Variants in CEP55 observed in about 807,000 individuals in gnomAD.
The protein encoded by CEP55 is centrosomal protein of 55 kDa.
Under a neutral mutation model 63.2 loss-of-function variants are expected in CEP55, and 57 were observed. The observed-to-expected ratio is 0.90, with a 90% confidence interval of 0.73 to 1.13. CEP55 has a LOEUF of 1.13. Ranked by LOEUF, CEP55 falls within the 50% of genes most tolerant of loss-of-function variation. The probability of loss-of-function intolerance (pLI) is 0.00; values close to 1 mark genes in which losing one functional copy is unlikely to be tolerated. For synonymous variants in CEP55, 178 were observed against 191.6 expected (o/e 0.93, Z 0.59); for missense variants, 456 against 518.9 (o/e 0.88, Z 1.18).
chr10:93,512,593 G>A (rs1488985897), intron 4 of CEP55, among the ~76,000 whole-genome samples: 2 of 151,272 alleles, frequency 1.3e-5, no homozygotes, highest in African/African-American at 4.9e-5. Flanking sequence ...CTACTTAAAT[G>A]TGGACAAATG....
Position 93,507,024 on chromosome 10 carries a change from A to G in CEP55, c.496A>G (p.Asn166Asp). 6.3e-7 allele frequency: 1 copy of G among 1,588,110 alleles called. No homozygotes were observed. Among genetic ancestry groups the G allele is most frequent in the Non-Finnish European group, 8.6e-7 (1 of 1,157,036 alleles). ...AAACTGCTTCAACTCATCAATAAAT[A>G]ATATTCATGAAATGGAAATACAGCT... ...APNCFNSSIN[N>D]IHEMEIQLKD... The change falls in exon 4 of 9, where the codon AAT becomes GAT. Residue 166 changes from asparagine to aspartate, a missense_variant. Transcript: ENST00000371485.
chr10:93,519,489 G>C (rs969506550), intron 7 of CEP55, among the ~76,000 whole-genome samples, 193 bp from the exon 8 acceptor site: 1 of 152,126 alleles, frequency 6.6e-6, no homozygotes, highest in Non-Finnish European at 1.5e-5. Flanking sequence ...CGTTGGCTTT[G>C]CTCCTTGGAT....
chr10:93,527,186 A>G (rs1271649308), intron 8 of CEP55, among the ~76,000 whole-genome samples: 2 of 151,928 alleles, frequency 1.3e-5, no homozygotes, highest in Non-Finnish European at 2.9e-5. Context: ...AAGTTCTTAG[A>G]AAAAAAACAC....
At chr10:93,521,387 G>A (rs989934518) in intron 8 of CEP55, among the ~76,000 whole-genome samples, 5 of 152,172 alleles carry the variant, frequency 3.3e-5, no homozygotes, top group African/African-American at 1.2e-4. Context: ...AGGTAGCAGT[G>A]AGGCTGGGGG....
chr10:93,499,654 T>G (rs1428118534), intron 1 of CEP55, among the ~76,000 whole-genome samples: 1 of 151,806 alleles, frequency 6.6e-6, no homozygotes. Flanking sequence ...CCCCAGCATC[T>G]GGGATTACAG....
chr10:93,526,893 T>G (rs1014010768), intron 8 of CEP55, among the ~76,000 whole-genome samples: 2 of 151,764 alleles, frequency 1.3e-5, no homozygotes, highest in Non-Finnish European at 2.9e-5. Flanking sequence ...TGAGAACACT[T>G]GGACACAGGA....
rs1042788162 is a variant in CEP55, at chr10:93,500,674, T to C, written c.183+440T>C. Among the ~76,000 whole-genome samples the C allele has an allele frequency of 2.0e-5, 3 of 152,244 alleles. No homozygotes were observed. The South Asian group carries it at 6.2e-4, about 32-fold the overall frequency. ...ATATTCTTGATAACTTTTGTTATGC[T>C]GTATTTAAGATTGTGAAACATTCTG... On this transcript the variant is annotated intron_variant, in intron 2 of 8. Transcript: ENST00000371485.
chr10:93,515,711 T>C (rs549948579), intron 5 of CEP55, among the ~76,000 whole-genome samples, 156 bp downstream of exon 5: 1 of 152,246 alleles, frequency 6.6e-6, no homozygotes, highest in Non-Finnish European at 1.5e-5. Context: ...TTGCAAGTTT[T>C]ATTTCCTAAC....
In CEP55 at chr10:93,528,229, A is replaced by G. The variant is rs1235196746; in HGVS notation, c.*76A>G. The stretch of plus-strand genomic sequence containing the variant: ...TTAGCTTGTGGGCATTTTGAATTAT[A>G]TATTTCACATTTTGCATAAAACTGC... On this transcript the variant is annotated 3_prime_UTR_variant, in exon 9 of 9. Transcript: ENST00000371485. 2 of 1,309,492 alleles carry G rather than the reference A, an allele frequency of 1.5e-6. No individual in the cohort carries two copies. The highest frequency in any genetic ancestry group is 2.2e-6 in the Non-Finnish European group (2 of 923,808). The allele number at this position is 1,309,492 out of a possible 1,614,324, so 81.1% of individuals were successfully genotyped here.
chr10:93,503,536 T>A (rs564056782), intron 3 of CEP55, 148 bp downstream of exon 3: 3 of 736,964 alleles, frequency 4.1e-6, no homozygotes, highest in South Asian at 2.0e-5. Flanking sequence ...TCACTTTTTT[T>A]AATAGCCCAG....
chr10:93,518,965 C>A lies in CEP55; in HGVS notation c.1065+17C>A. 1 of 1,595,740 alleles carries A rather than the reference C, an allele frequency of 6.3e-7. No homozygotes were observed. Among genetic ancestry groups the A allele is most frequent in the Non-Finnish European group, 8.6e-7 (1 of 1,163,350 alleles). ...GAACAACAGGTACTCATTCGGGTTG[C>A]TTCTAAATTCAATTCTGCCTGTTAG... On this transcript the variant is annotated intron_variant, in intron 7 of 8. Coordinates refer to ENST00000371485, the MANE Select transcript of CEP55 (RefSeq NM_018131.5).
In CEP55 at chr10:93,528,386, G is replaced by A. The variant is rs969614202; in HGVS notation, c.*233G>A. The A allele has an allele frequency of 3.2e-5, 17 of 539,420 alleles. No individual in the cohort carries two copies. Among genetic ancestry groups the A allele is most frequent in the South Asian group, 4.4e-5 (2 of 45,024 alleles). 33.4% of individuals were successfully genotyped at this position (539,420 alleles called of 1,614,324 possible). A position where few individuals can be genotyped will look rare whatever the true frequency, so the allele number is the denominator to read the frequency against. The stretch of plus-strand genomic sequence containing the variant: ...GCAATGACAGAATGTGGTGAGCAGC[G>A]TCTACTGAGACTACTAACATTTTGC... On this transcript the variant is annotated 3_prime_UTR_variant, in exon 9 of 9. Transcript: ENST00000371485.
At chr10:93,499,518 C>CTTTT (rs528933732) in intron 1 of CEP55, among the ~76,000 whole-genome samples, 8 of 120,634 alleles carry the variant, frequency 6.6e-5, no homozygotes, top group Non-Finnish European at 1.3e-4. Context: ...TACAAGTTGA[C>CTTTT]TTTTTTTTTT....
At chr10:93,520,011 A>G in intron 8 of CEP55, 1 of 610,786 alleles carries the variant, frequency 1.6e-6, no homozygotes, top group African/African-American at 1.8e-5. Context: ...ATCTGGAAAC[A>G]TTCCCCCAAC....
intron 1 of CEP55, among the ~76,000 whole-genome samples, chr10:93,499,034 C>G (rs896347188): frequency 1.3e-4 from 20 of 152,078 alleles, no homozygotes; most frequent in Admixed American, 7.9e-4. Flanking sequence ...GTATGCTTCA[C>G]TAGATTTTTG....
chr10:93,509,568 C>T (rs1205356677), intron 4 of CEP55, among the ~76,000 whole-genome samples: 1 of 152,050 alleles, frequency 6.6e-6, no homozygotes, highest in Non-Finnish European at 1.5e-5. Flanking sequence ...TCATTGCAAC[C>T]TCCGTCTCCT....
intron 3 of CEP55, 47 bp from the exon 4 acceptor site, chr10:93,506,941 T>A (rs756578364): frequency 8.2e-7 from 1 of 1,219,588 alleles, no homozygotes; most frequent in Admixed American, 1.7e-5. Context: ...ATGAGGCAAC[T>A]TCTATTGTGG....
chr10:93,497,992 C>T (rs1241075380), intron 1 of CEP55, among the ~76,000 whole-genome samples: 1 of 151,948 alleles, frequency 6.6e-6, no homozygotes, highest in Non-Finnish European at 1.5e-5. Context: ...CGTGGTGACG[C>T]GCACCTGTAG....
At chr10:93,520,016 C>T (rs1003158956) in intron 8 of CEP55, 3 of 573,954 alleles carry the variant, frequency 5.2e-6, no homozygotes, top group Non-Finnish European at 9.3e-6. Context: ...GAAACATTCC[C>T]CCAACTACCC....
Sources: gnomAD v4.1 joint callset for allele counts (sites outside exome capture counted in the v4.1 genomes callset) on GRCh38, gnomAD v4.1.1 for gene constraint, MANE v1.5 for transcripts, NCBI Gene and HGNC (gene_info 2026-07-23, HGNC 2026-07-21) for gene names.